The following PCCB variants were observed in gnomAD, a reference collection of about 807,000 sequenced individuals.
PCCB encodes the protein propionyl-CoA carboxylase beta chain, mitochondrial.
PCCB carries 43 observed loss-of-function variants against 60.7 expected under a neutral mutation model. The ratio of observed to expected loss-of-function variants is 0.71; its 90% confidence interval spans 0.55 to 0.91. PCCB has a LOEUF of 0.91. PCCB is among the 40% of genes least tolerant of loss of function. The pLI is 0.00. For synonymous variants in PCCB, 276 were observed against 255.9 expected, an observed-to-expected ratio of 1.08 and a Z score of -0.75; for missense variants, 766 against 702.8, an observed-to-expected ratio of 1.09 and a Z score of -1.02.
intron 6 of PCCB, among the ~76,000 whole-genome samples, chr3:136,292,650 A>G (rs1170860743): frequency 1.3e-5 from 2 of 152,228 alleles, no homozygotes; most frequent in Non-Finnish European, 2.9e-5. Context: ...CTCTATGTGT[A>G]TTGAACACAG....
At chr3:136,317,985 G>T (rs921878841) in intron 10 of PCCB, among the ~76,000 whole-genome samples, 1 of 152,174 alleles carries the variant, frequency 6.6e-6, no homozygotes, top group Non-Finnish European at 1.5e-5. Context: ...GGAAGAATCT[G>T]TCTTTCTTCA....
chr3:136,252,113 C>T (rs1941533408), intron 1 of PCCB, among the ~76,000 whole-genome samples: 1 of 151,822 alleles, frequency 6.6e-6, no homozygotes, highest in East Asian at 1.9e-4. Flanking sequence ...TACGCCTGAC[C>T]TCAAGTGATT....
intron 10 of PCCB, among the ~76,000 whole-genome samples, chr3:136,322,005 C>T (rs1935126347): frequency 6.6e-6 from 1 of 152,268 alleles, no homozygotes; most frequent in East Asian, 1.9e-4. Flanking sequence ...GCCAGGACTT[C>T]CAATACAATA....
At chr3:136,320,720 C>T (rs545503453) in intron 10 of PCCB, among the ~76,000 whole-genome samples, 4 of 152,060 alleles carry the variant, frequency 2.6e-5, no homozygotes, top group African/African-American at 9.6e-5. Flanking sequence ...GTTCATTAGC[C>T]CTCTTGTGGA....
chr3:136,264,142 A>G (rs190236524), intron 5 of PCCB, among the ~76,000 whole-genome samples: 2 of 152,158 alleles, frequency 1.3e-5, no homozygotes, highest in East Asian at 1.9e-4. Context: ...CTCTCCATAT[A>G]TACATATTTG....
chr3:136,324,973 A>G (rs566436993), intron 10 of PCCB, among the ~76,000 whole-genome samples: 4 of 152,088 alleles, frequency 2.6e-5, no homozygotes, highest in South Asian at 2.1e-4. Context: ...GCTCACTGCA[A>G]CCTCCTTCTC....
chr3:136,293,232 G>C (rs1028243017), intron 6 of PCCB, among the ~76,000 whole-genome samples: 3 of 152,152 alleles, frequency 2.0e-5, no homozygotes, highest in African/African-American at 7.2e-5. Context: ...TGAACTCCTG[G>C]CCTGAAGTGA....
rs559320564 is a variant in PCCB, at chr3:136,250,444, C to T, written c.69C>T (p.Ala23=). 11 of 1,601,228 alleles carry T rather than the reference C, an allele frequency of 6.9e-6. No homozygotes were observed. The South Asian group carries it at 7.8e-5, about 11-fold the overall frequency. ...GCGTTCTGGCGAGCGGTCTCCGCGCCGCGGTCCGCAGCCTTTGCAGCCAGG... is the reference window on the plus strand; with the variant it reads ...GCGTTCTGGCGAGCGGTCTCCGCGCTGCGGTCCGCAGCCTTTGCAGCCAGG... ...RLSVLASGLR[A]AVRSLCSQAT... Residue 23 remains alanine, a synonymous_variant, in exon 1 of 15, where the codon GCC becomes GCT. Coordinates refer to ENST00000251654, the MANE Select transcript of PCCB (RefSeq NM_000532.5).
In PCCB at chr3:136,317,212, ATTTTTTTTTT is replaced by A. The variant is rs397694948; in HGVS notation, c.1090+169_1090+178del. 1.9e-3 allele frequency: 485 copies of A among 259,158 alleles called. 1 individual carries two copies. Among genetic ancestry groups the A allele is most frequent in the East Asian group, 4.8e-3 (27 of 5,586 alleles). 16.1% of individuals were successfully genotyped at this position (259,158 alleles called of 1,614,324 possible). ...ATCTAAATGGTTGTTATAAAAGCTA[ATTTTTTTTTT>A]TTTTTTTTTTTTTTTTTTTTAGACA... On this transcript the variant is annotated intron_variant, in intron 10 of 14. Transcript: ENST00000251654.
chr3:136,287,291 A>G (rs1272287007), intron 6 of PCCB, among the ~76,000 whole-genome samples: 2 of 152,236 alleles, frequency 1.3e-5, no homozygotes, highest in African/African-American at 2.4e-5. Flanking sequence ...AAACCATATA[A>G]TATGCTTTCT....
intron 8 of PCCB, among the ~76,000 whole-genome samples, chr3:136,299,330 G>T (rs1428157696): frequency 6.6e-6 from 1 of 151,508 alleles, no homozygotes; most frequent in Non-Finnish European, 1.5e-5. Context: ...ATACATATTT[G>T]TGCATACACA....
At chr3:136,298,997 T>G (rs183080618) in intron 8 of PCCB, among the ~76,000 whole-genome samples, 30 of 152,252 alleles carry the variant, frequency 2.0e-4, no homozygotes, top group African/African-American at 6.7e-4. Context: ...AGTGGCCCAC[T>G]GTGTGTAGTC....
intron 6 of PCCB, among the ~76,000 whole-genome samples, 194 bp downstream of exon 6, chr3:136,284,141 G>A (rs1461592237): frequency 1.3e-5 from 2 of 152,202 alleles, no homozygotes; most frequent in East Asian, 3.8e-4. Flanking sequence ...AGTGGCAGGG[G>A]ATGCTTATGT....
At chr3:136,280,722 A>G (rs769609422) in intron 5 of PCCB, among the ~76,000 whole-genome samples, 1 of 152,232 alleles carries the variant, frequency 6.6e-6, no homozygotes, top group South Asian at 2.1e-4. Context: ...GTGCAGTGGC[A>G]TGATCATGGC....
intron 6 of PCCB, among the ~76,000 whole-genome samples, chr3:136,286,292 GACA>G (rs1933400798): frequency 6.6e-6 from 1 of 152,128 alleles, no homozygotes; most frequent in African/African-American, 2.4e-5. Context: ...CTTACCTGTT[GACA>G]ACATTTGCTC....
At chr3:136,281,907 C>T (rs1942486592) in intron 5 of PCCB, among the ~76,000 whole-genome samples, 1 of 152,114 alleles carries the variant, frequency 6.6e-6, no homozygotes, top group Admixed American at 6.5e-5. Context: ...AGCAATCTGA[C>T]AGTAATTTCC....
In PCCB at chr3:136,329,946, C is replaced by G. The variant is rs749908889; in HGVS notation, c.1540C>G (p.Arg514Gly). ...CATCCAACCTTCTTCCACACGTGCCCGAATCTGCTGTGACCTGGATGTCTT... is the reference window on the plus strand; with the variant it reads ...CATCCAACCTTCTTCCACACGTGCCGGAATCTGCTGTGACCTGGATGTCTT... The part of the protein sequence containing the change: ...DIIQPSSTRA[R>G]ICCDLDVLAS... The change falls in exon 15 of 15, where the codon CGA becomes GGA. Residue 514 changes from arginine to glycine, a missense_variant. Physicochemically the swap from Arg to Gly is moderately radical, Grantham distance 125 (BLOSUM62 -2). Coordinates refer to ENST00000251654, the MANE Select transcript of PCCB (RefSeq NM_000532.5). 2 of 1,614,000 alleles carry G rather than the reference C, an allele frequency of 1.2e-6. No individual in the cohort carries two copies. The highest frequency in any genetic ancestry group is 1.7e-6 in the Non-Finnish European group (2 of 1,180,002).
intron 6 of PCCB, among the ~76,000 whole-genome samples, chr3:136,286,994 G>A (rs1933443053): frequency 6.6e-6 from 1 of 150,520 alleles, no homozygotes; most frequent in Non-Finnish European, 1.5e-5. Context: ...TCGCGCCACT[G>A]CACTCCAGCC....
chr3:136,308,398 A>G (rs1276546134), intron 9 of PCCB, among the ~76,000 whole-genome samples: 3 of 152,000 alleles, frequency 2.0e-5, no homozygotes, highest in Non-Finnish European at 2.9e-5. Context: ...ATAGTTCACA[A>G]TGATAATGTA....
Sources: gnomAD v4.1 joint callset for allele counts (sites outside exome capture counted in the v4.1 genomes callset) on GRCh38, gnomAD v4.1.1 for gene constraint, MANE v1.5 for transcripts, NCBI Gene and HGNC (gene_info 2026-07-23, HGNC 2026-07-21) for gene names.